The following NELFA variants were observed in gnomAD, a reference collection of about 807,000 sequenced individuals.
NELFA encodes the protein negative elongation factor A.
Under a neutral mutation model 51.8 loss-of-function variants are expected in NELFA, and 35 were observed. The observed-to-expected ratio is 0.68, with a 90% CI of 0.52 to 0.90. The LOEUF is 0.90. Ranked by LOEUF, NELFA falls within the 40% of genes least tolerant of loss-of-function variation. NELFA has a pLI of 0.00. For missense variants in NELFA, 658 were observed against 746.4 expected (o/e 0.88, Z 1.38); for synonymous variants, 417 against 338.4 (o/e 1.23, Z -2.55).
chr4:1,987,569 C>T (rs961196230), intron 4 of NELFA: 5 of 244,644 alleles, frequency 2.0e-5, no homozygotes, highest in Non-Finnish European at 3.9e-5. Context: ...GGCCGAGAGC[C>T]ACCGGTGCCA....
At chr4:1,983,553 A>C in intron 10 of NELFA, 43 bp downstream of exon 10, 4 of 1,612,166 alleles carry the variant, frequency 2.5e-6, no homozygotes, top group Non-Finnish European at 3.4e-6. Flanking sequence ...ACCCGCCCCC[A>C]ACCCGGCCCG....
intron 1 of NELFA, among the ~76,000 whole-genome samples, chr4:1,995,326 CCTGA>C (rs1251193605): frequency 6.6e-6 from 1 of 152,066 alleles, no homozygotes; most frequent in African/African-American, 2.4e-5. Flanking sequence ...TCTGGAGAAC[CCTGA>C]CTGATACACT....
Position 1,983,165 on chromosome 4 carries a change from A to G in NELFA, c.*154T>C. On this transcript the variant is annotated 3_prime_UTR_variant, in exon 11 of 11. Coordinates refer to ENST00000382882, the MANE Select transcript of NELFA (RefSeq NM_005663.5). ...AAATAAGCCCCAAATACCCCAGAGA[A>G]ATGCATCCAGAACTTAAAACAGGCT... 1 of 630,484 alleles carries G rather than the reference A, an allele frequency of 1.6e-6. No homozygotes were observed. The highest frequency in any genetic ancestry group is 2.6e-5 in the South Asian group (1 of 38,172). The allele number at this position is 630,484 out of a possible 1,614,324, so 39.1% of individuals were successfully genotyped here.
intron 1 of NELFA, among the ~76,000 whole-genome samples, chr4:2,007,726 G>C (rs1421225263): frequency 1.3e-5 from 2 of 152,200 alleles, no homozygotes; most frequent in African/African-American, 4.8e-5. Flanking sequence ...CTCCACCTGT[G>C]TAAGGATCAC....
Position 1,985,769 on chromosome 4 carries a change from G to A in NELFA, c.924+7C>T, listed in dbSNP as rs367695747. 4 of 1,612,178 alleles carry A rather than the reference G, an allele frequency of 2.5e-6. No individual in the cohort carries two copies. The highest frequency in any genetic ancestry group is 1.7e-5 in the Admixed American group (1 of 59,940). ...TGCCAGACATGGGGTGCAGCCCCGA[G>A]CCCTACCTGCGTGGACACCAGGCCG... On this transcript the variant is annotated splice_region_variant and intron_variant, in intron 7 of 10. Transcript: ENST00000382882.
At chr4:2,006,334 A>C (rs531190994) in intron 1 of NELFA, among the ~76,000 whole-genome samples, 39 of 152,250 alleles carry the variant, frequency 2.6e-4, no homozygotes, top group Non-Finnish European at 4.6e-4. Context: ...TCAAGTGCGA[A>C]AGGTAAAACT....
At chr4:1,994,661 C>G (rs1285946060) in intron 1 of NELFA, among the ~76,000 whole-genome samples, 2 of 151,798 alleles carry the variant, frequency 1.3e-5, no homozygotes, top group East Asian at 1.9e-4. Context: ...TGAGACCATC[C>G]TGGCTAACAC....
chr4:1,999,501 T>C (rs1728517717), intron 1 of NELFA, among the ~76,000 whole-genome samples: 1 of 152,036 alleles, frequency 6.6e-6, no homozygotes, highest in South Asian at 2.1e-4. Context: ...AATCCTAGTT[T>C]CTGACAAAAC....
chr4:1,984,317 C>T (rs767098122), intron 8 of NELFA, among the ~76,000 whole-genome samples: 5 of 152,184 alleles, frequency 3.3e-5, no homozygotes, highest in South Asian at 2.1e-4. Flanking sequence ...TTTCCAGACT[C>T]GCAGATAAGA....
intron 7 of NELFA, among the ~76,000 whole-genome samples, chr4:1,985,122 C>T (rs1408038161): frequency 6.6e-6 from 1 of 152,156 alleles, no homozygotes; most frequent in South Asian, 2.1e-4. Context: ...GGGACTGAGC[C>T]GCTCCTGTGT....
intron 2 of NELFA, among the ~76,000 whole-genome samples, 161 bp downstream of exon 2, chr4:1,991,383 G>A (rs1728264089): frequency 6.6e-6 from 1 of 152,198 alleles, no homozygotes; most frequent in Non-Finnish European, 1.5e-5. Flanking sequence ...AAGCCAGGCA[G>A]CAGCTTACGG....
chr4:1,983,210 G>T lies in NELFA; in HGVS notation c.*109C>A. 1 of 1,152,188 alleles carries T rather than the reference G, an allele frequency of 8.7e-7. No individual in the cohort carries two copies. The highest frequency in any genetic ancestry group is 1.2e-6 in the Non-Finnish European group (1 of 817,716). 71.4% of individuals were successfully genotyped at this position (1,152,188 alleles called of 1,614,324 possible). ...CAGGCTGGGTCAGCAGCAGGGCGGC[G>T]GCCGGGGGACCTCGGGGGCCAGGTG... On this transcript the variant is annotated 3_prime_UTR_variant, in exon 11 of 11. Transcript: ENST00000382882.
intron 3 of NELFA, among the ~76,000 whole-genome samples, chr4:1,988,225 CT>C (rs1291175881): frequency 6.6e-6 from 1 of 152,190 alleles, no homozygotes; most frequent in Non-Finnish European, 1.5e-5. Flanking sequence ...AGCTGGGTGG[CT>C]GTGGCTGCAC....
At position 2,008,889 on chromosome 4, in the gene NELFA, C is replaced by G; in HGVS notation, c.71G>C (p.Trp24Ser). 1 of 1,590,422 alleles carries G rather than the reference C, an allele frequency of 6.3e-7. No homozygotes were observed. The highest frequency in any genetic ancestry group is 8.5e-7 in the Non-Finnish European group (1 of 1,169,642). ...CAGGGACGCGATGCTGGGCGGCGCCCACAGCTCGTCCGTGGCCCCCAGCTT... is the reference window on the plus strand; with the variant it reads ...CAGGGACGCGATGCTGGGCGGCGCCGACAGCTCGTCCGTGGCCCCCAGCTT... ...HNKLGATDEL[W>S]APPSIASLLT... Residue 24 changes from tryptophan to serine, a missense_variant, in exon 1 of 11, where the codon TGG (tryptophan) becomes TCG (serine). Trp to Ser is a radical substitution (Grantham distance 177). Around this residue, in one of 3 missense-constraint regions of NELFA, gnomAD observed 371 missense variants for 448.3 expected, o/e 0.83. Transcript: ENST00000382882.
intron 1 of NELFA, chr4:1,992,517 T>G (rs951875125): frequency 9.6e-6 from 4 of 416,352 alleles, no homozygotes; most frequent in African/African-American, 8.4e-5. Context: ...ATGCGCCCAC[T>G]GGGCTGCTCA....
At chr4:1,999,213 A>C (rs959589757) in intron 1 of NELFA, among the ~76,000 whole-genome samples, 1 of 151,232 alleles carries the variant, frequency 6.6e-6, no homozygotes, top group South Asian at 2.1e-4. Flanking sequence ...TATAGAGACC[A>C]ATGACATTAC....
rs999616765 is a variant in NELFA at position 1,986,093 on chromosome 4, C to T, written c.835+21G>A. 20 of 1,548,986 alleles carry T rather than the reference C, an allele frequency of 1.3e-5. 1 individual carries two copies. The African/African-American group carries it at 1.5e-4, about 12-fold the overall frequency. On this transcript the variant is annotated intron_variant, in intron 6 of 10. Coordinates refer to ENST00000382882, the MANE Select transcript of NELFA (RefSeq NM_005663.5). ...CCGCAGGGACCCCCATTGCCGCCGA[C>T]ACGCAGGCCCCAACCCCCACCGAGA...
At chr4:1,994,038 A>G (rs1020325974) in intron 1 of NELFA, among the ~76,000 whole-genome samples, 2 of 152,194 alleles carry the variant, frequency 1.3e-5, no homozygotes, top group African/African-American at 4.8e-5. Flanking sequence ...TTCACTGAAT[A>G]AACTATCACA....
chr4:1,992,814 G>C (rs1577620615), intron 1 of NELFA, among the ~76,000 whole-genome samples: 1 of 152,278 alleles, frequency 6.6e-6, no homozygotes, highest in East Asian at 1.9e-4. Context: ...TCGTGCCAGG[G>C]GAGCCTGCCT....
Sources: gnomAD v4.1 joint callset for allele counts (sites outside exome capture counted in the v4.1 genomes callset) on GRCh38, gnomAD v4.1.1 for gene constraint, gnomAD v4.1.1 regional missense constraint, MANE v1.5 for transcripts, NCBI Gene and HGNC (gene_info 2026-07-23, HGNC 2026-07-21) for gene names.